GPR89B: variants seen among roughly 807,000 people sequenced by gnomAD.
The protein encoded by GPR89B is golgi pH regulator B, also known as G protein-coupled receptor 89B.
Under a neutral mutation model 52.4 loss-of-function variants are expected in GPR89B, and 25 were observed. The ratio of observed to expected loss-of-function variants is 0.48; its 90% CI spans 0.35 to 0.67. The LOEUF is 0.67. Ranked by LOEUF, GPR89B falls within the 30% of genes least tolerant of loss-of-function variation. GPR89B has a pLI of 0.01. For synonymous variants in GPR89B, 52 were observed against 151.2 expected, an observed-to-expected ratio of 0.34 and a Z score of 4.81; for missense variants, 146 against 450.2, an observed-to-expected ratio of 0.32 and a Z score of 6.11.
intron 5 of GPR89B, among the ~76,000 whole-genome samples, chr1:147,946,818 C>G (rs1440614808): frequency 6.6e-6 from 1 of 151,994 alleles, no homozygotes; most frequent in African/African-American, 2.4e-5. Flanking sequence ...AGGGAGAAAG[C>G]TAGGGAGATA....
downstream of GPR89B, chr1:147,994,222 T>C: frequency 1.2e-6 from 2 of 1,600,910 alleles, no homozygotes; most frequent in Admixed American, 1.7e-5. Context: ...AGGTCGCAAC[T>C]CATTCTTTGA....
At chr1:147,971,518 A>G (rs1420235054) in intron 10 of GPR89B, among the ~76,000 whole-genome samples, 2 of 121,520 alleles carry the variant, frequency 1.6e-5, no homozygotes, top group Non-Finnish European at 3.1e-5. Context: ...TCTGTCTCCC[A>G]GGCTGGAGTG....
At chr1:147,930,133 G>A (rs1251180100) in intron 1 of GPR89B, among the ~76,000 whole-genome samples, 1 of 152,174 alleles carries the variant, frequency 6.6e-6, no homozygotes, top group East Asian at 1.9e-4. Flanking sequence ...AATTTTGTAT[G>A]CCTTATAATC....
intron 5 of GPR89B, among the ~76,000 whole-genome samples, chr1:147,950,938 G>C (rs1655632216): frequency 6.6e-6 from 1 of 152,152 alleles, no homozygotes; most frequent in Admixed American, 6.5e-5. Context: ...AGAGGGAGAG[G>C]GAGACCGTGG....
At chr1:148,002,140 C>A in the GPR89B span, among the ~76,000 whole-genome samples, 36 of 149,816 alleles carry the variant, frequency 2.4e-4, no homozygotes, top group African/African-American at 8.9e-4. Context: ...GTAATGTATT[C>A]AAACCAAAAA....
At chr1:147,979,643 A>G (rs1384482955) in intron 10 of GPR89B, among the ~76,000 whole-genome samples, 2 of 151,916 alleles carry the variant, frequency 1.3e-5, no homozygotes, top group African/African-American at 2.4e-5. Context: ...GAGATGATCA[A>G]TGTTTTTCTT....
chr1:147,934,993 C>G (rs1183715807), intron 1 of GPR89B, among the ~76,000 whole-genome samples: 1 of 151,318 alleles, frequency 6.6e-6, no homozygotes, highest in African/African-American at 2.4e-5. Context: ...ACAAAGATTA[C>G]AAGACAAACA....
intron 7 of GPR89B, among the ~76,000 whole-genome samples, chr1:147,963,725 A>T (rs1352232066): frequency 2.0e-5 from 3 of 152,026 alleles, no homozygotes; most frequent in African/African-American, 7.3e-5. Context: ...CAACTGGATC[A>T]CTCATACATT....
At chr1:147,999,827 C>T in the GPR89B span, among the ~76,000 whole-genome samples, 1 of 151,952 alleles carries the variant, frequency 6.6e-6, no homozygotes, top group Admixed American at 6.6e-5. Context: ...ATTCTACATG[C>T]TCTGAATATT....
At chr1:148,019,826 C>T in the GPR89B span, among the ~76,000 whole-genome samples, 4 of 151,916 alleles carry the variant, frequency 2.6e-5, no homozygotes, top group Admixed American at 2.6e-4. Flanking sequence ...CCGACCAGGG[C>T]CAGGTGAAGA....
chr1:147,977,740 T>G (rs1657947396), intron 10 of GPR89B, among the ~76,000 whole-genome samples: 1 of 149,386 alleles, frequency 6.7e-6, no homozygotes, highest in Non-Finnish European at 1.5e-5. Flanking sequence ...CAAGATAGTC[T>G]TCAAGCTCTG....
rs1334179395 is a variant in GPR89B, at chr1:147,938,781, TC to T, written c.171del (p.Ile58SerfsTer6). The part of the protein sequence containing the change: ...TFAFSCTMFE[L>X]IIFEILGVLN... ...GCATTTTCTTGCACCATGTTTGAGC[TC>T]ATCATCTTTGAAATCTTAGGAGTAT... On this transcript the variant is annotated frameshift_variant, in exon 3 of 14. Transcript: ENST00000314163. LOFTEE classifies it high-confidence loss of function. 2 of 1,580,080 alleles carry T rather than the reference TC, an allele frequency of 1.3e-6. No homozygotes were observed. Among genetic ancestry groups the T allele is most frequent in the Admixed American group, 3.5e-5 (2 of 56,664 alleles).
At chr1:147,980,770 G>T in intron 10 of GPR89B, among the ~76,000 whole-genome samples, 1 of 121,392 alleles carries the variant, frequency 8.2e-6, no homozygotes. Context: ...AGTGAGCCGA[G>T]ATCCCGCCAC....
At chr1:147,959,281 A>G (rs1294308727) in intron 7 of GPR89B, among the ~76,000 whole-genome samples, 2 of 152,240 alleles carry the variant, frequency 1.3e-5, no homozygotes, top group African/African-American at 4.8e-5. Flanking sequence ...GAAATTTTGT[A>G]GAGATAGGAG....
the GPR89B span, among the ~76,000 whole-genome samples, chr1:148,023,047 C>T: frequency 3.3e-5 from 5 of 151,962 alleles, no homozygotes; most frequent in South Asian, 2.1e-4. Flanking sequence ...CCAGGTAGTT[C>T]GCATAGTACC....
chr1:147,956,682 C>T (rs1465171549), intron 7 of GPR89B, among the ~76,000 whole-genome samples: 10 of 151,738 alleles, frequency 6.6e-5, no homozygotes, highest in Non-Finnish European at 1.3e-4. Context: ...AAAGATATCC[C>T]ATGTTCATGG....
the GPR89B span, among the ~76,000 whole-genome samples, chr1:148,003,622 C>T: frequency 6.6e-6 from 1 of 152,006 alleles, no homozygotes; most frequent in Non-Finnish European, 1.5e-5. Context: ...ACTTTTGATG[C>T]CCAACATCAG....
At chr1:147,995,245 CA>C (rs1330082605), downstream of GPR89B, among the ~76,000 whole-genome samples, 2 of 150,072 alleles carry the variant, frequency 1.3e-5, no homozygotes, top group African/African-American at 2.5e-5. Context: ...AGGAACAGAA[CA>C]AATAAATCCA....
At chr1:147,946,039 G>A (rs1215454544) in intron 5 of GPR89B, among the ~76,000 whole-genome samples, 3 of 151,592 alleles carry the variant, frequency 2.0e-5, no homozygotes, top group Non-Finnish European at 2.9e-5. Flanking sequence ...AGTTTCTAGA[G>A]CTGTTCTATC....
Sources: allele counts gnomAD v4.1 joint callset (sites outside exome capture counted in the v4.1 genomes callset), GRCh38; gene constraint gnomAD v4.1.1; transcripts MANE v1.5; gene names NCBI Gene and HGNC (gene_info 2026-07-23, HGNC 2026-07-21).